The following TADA2A variants were observed in gnomAD, a reference collection of about 807,000 sequenced individuals.
TADA2A encodes transcriptional adaptor 2A, also known as transcriptional adapter 2-alpha.
Under a neutral mutation model 67.4 loss-of-function variants are expected in TADA2A, and 38 were observed. The ratio of observed to expected loss-of-function variants is 0.56; its 90% CI spans 0.44 to 0.74. TADA2A has a LOEUF of 0.74. Ranked by LOEUF, TADA2A falls within the 30% of genes least tolerant of loss-of-function variation. The probability of loss-of-function intolerance (pLI) is 0.00; values close to 1 mark genes in which losing one functional copy is unlikely to be tolerated. For synonymous variants in TADA2A, 192 were observed against 181.6 expected (o/e 1.06, Z -0.46); for missense variants, 454 against 547.0 (o/e 0.83, Z 1.70).
intron 5 of TADA2A, among the ~76,000 whole-genome samples, chr17:37,440,232 CG>C (rs1190133830): frequency 2.0e-5 from 3 of 152,020 alleles, no homozygotes; most frequent in Non-Finnish European, 4.4e-5. Context: ...TGAGCCACTG[CG>C]CCTGGCCTCA....
intron 2 of TADA2A, among the ~76,000 whole-genome samples, chr17:37,420,840 T>C (rs981594489): frequency 7.5e-5 from 11 of 146,868 alleles, no homozygotes; most frequent in African/African-American, 2.5e-4. Flanking sequence ...CAAATTAAAT[T>C]CCTTCATCTA....
At chr17:37,444,224 A>G (rs1325747393) in intron 7 of TADA2A, among the ~76,000 whole-genome samples, 2 of 145,574 alleles carry the variant, frequency 1.4e-5, no homozygotes, top group South Asian at 2.1e-4. Flanking sequence ...ACACCACTGC[A>G]CTCCAGCCTG....
chr17:37,457,727 C>T (rs182008636), intron 8 of TADA2A, among the ~76,000 whole-genome samples: 1 of 151,714 alleles, frequency 6.6e-6, no homozygotes, highest in African/African-American at 2.4e-5. Context: ...AACTCCTGAC[C>T]TCAGGTGATT....
At chr17:37,449,106 C>T (rs1026439416) in intron 8 of TADA2A, among the ~76,000 whole-genome samples, 4 of 151,920 alleles carry the variant, frequency 2.6e-5, no homozygotes, top group Admixed American at 6.6e-5. Flanking sequence ...CTGCAAGCTC[C>T]GCCTCCTGGG....
chr17:37,451,053 G>A (rs569235278), intron 8 of TADA2A, among the ~76,000 whole-genome samples: 1 of 151,972 alleles, frequency 6.6e-6, no homozygotes, highest in African/African-American at 2.4e-5. Flanking sequence ...AAGAAACAGA[G>A]TCTCATTCTG....
intron 4 of TADA2A, among the ~76,000 whole-genome samples, chr17:37,437,011 T>G (rs999695194): frequency 6.6e-6 from 1 of 151,806 alleles, no homozygotes; most frequent in Non-Finnish European, 1.5e-5. Flanking sequence ...CTAATAAGAA[T>G]GTACCCTGGG....
intron 1 of TADA2A, among the ~76,000 whole-genome samples, chr17:37,410,476 C>T (rs2051830532): frequency 6.6e-6 from 1 of 151,918 alleles, no homozygotes; most frequent in African/African-American, 2.4e-5. Context: ...GTGCCTGGCC[C>T]TGTTACGTAC....
At chr17:37,461,409 T>C (rs2053544470) in intron 9 of TADA2A, among the ~76,000 whole-genome samples, 2 of 152,182 alleles carry the variant, frequency 1.3e-5, no homozygotes, top group Non-Finnish European at 2.9e-5. Flanking sequence ...TGAAGAAGCA[T>C]ACCCAGTTGC....
intron 1 of TADA2A, among the ~76,000 whole-genome samples, chr17:37,409,795 G>T (rs1336481282): frequency 2.0e-5 from 3 of 151,258 alleles, no homozygotes. Context: ...AAAACAAAAA[G>T]CTGTGAGTGT....
At chr17:37,427,971 G>C (rs1455605494) in intron 4 of TADA2A, among the ~76,000 whole-genome samples, 2 of 151,118 alleles carry the variant, frequency 1.3e-5, no homozygotes, top group South Asian at 2.1e-4. Flanking sequence ...GACAGAGTGA[G>C]ACTCCATCTC....
intron 2 of TADA2A, among the ~76,000 whole-genome samples, chr17:37,419,048 T>C (rs1379031760): frequency 6.8e-6 from 1 of 146,592 alleles, no homozygotes; most frequent in South Asian, 2.2e-4. Context: ...TTGTTGAATA[T>C]ATGTACTATA....
intron 4 of TADA2A, among the ~76,000 whole-genome samples, chr17:37,430,241 A>G (rs1484062009): frequency 6.6e-6 from 1 of 152,156 alleles, no homozygotes; most frequent in African/African-American, 2.4e-5. Flanking sequence ...CAACACCCAT[A>G]CAATCACATT....
chr17:37,441,086 C>T (rs1056059686), intron 6 of TADA2A, among the ~76,000 whole-genome samples: 3 of 140,380 alleles, frequency 2.1e-5, no homozygotes, highest in Non-Finnish European at 4.6e-5. Flanking sequence ...CAGAGTGAGA[C>T]TTCATCTCTT....
Position 37,465,426 on chromosome 17 carries a change from TGTA to T in TADA2A, c.713-1_714del. On this transcript the variant is annotated splice_acceptor_variant and splice_polypyrimidine_tract_variant and intron_variant, in intron 10 of 15. Coordinates refer to ENST00000615182, the MANE Select transcript of TADA2A (RefSeq NM_001166105.3). LOFTEE classifies it high-confidence loss of function. ...TGACACATTTATGTTTTATTTTCTC[TGTA>T]GTAATGGAACGGCGGTATCCCAAGG... 6.2e-7 allele frequency: 1 copy of T among 1,601,724 alleles called. No individual in the cohort carries two copies. Among genetic ancestry groups the T allele is most frequent in the Non-Finnish European group, 8.5e-7 (1 of 1,172,288 alleles).
chr17:37,421,886 AT>A (rs368260639), intron 2 of TADA2A, among the ~76,000 whole-genome samples: 1,678 of 143,910 alleles, frequency 0.012, 137 homozygotes, highest in African/African-American at 0.037. Flanking sequence ...TTATTTTTTT[AT>A]TTTTTTTTGG....
chr17:37,420,090 G>A (rs1160755936), intron 2 of TADA2A, among the ~76,000 whole-genome samples: 1 of 146,336 alleles, frequency 6.8e-6, no homozygotes, highest in East Asian at 2.1e-4. Context: ...AGAGAAGCAA[G>A]CTTATATCTA....
chr17:37,420,692 C>T (rs2052205910), intron 2 of TADA2A, among the ~76,000 whole-genome samples: 1 of 146,500 alleles, frequency 6.8e-6, no homozygotes, highest in African/African-American at 2.5e-5. Context: ...CGTGCCTACT[C>T]TCTCTATCTT....
chr17:37,432,925 ATTTTTTTTTTT>A (rs1046006991), intron 4 of TADA2A, among the ~76,000 whole-genome samples: 1 of 52,208 alleles, frequency 1.9e-5, no homozygotes, highest in South Asian at 1.0e-3. Flanking sequence ...TGGTATTACA[ATTTTTTTTTTT>A]TTTTTTTTTT....
intron 4 of TADA2A, among the ~76,000 whole-genome samples, chr17:37,428,942 A>T (rs911945194): frequency 6.7e-6 from 1 of 149,110 alleles, no homozygotes. Flanking sequence ...GCTACTCGGG[A>T]GGTTGAGGCG....
Sources: gnomAD v4.1 joint callset for allele counts (sites outside exome capture counted in the v4.1 genomes callset) on GRCh38, gnomAD v4.1.1 for gene constraint, MANE v1.5 for transcripts, NCBI Gene and HGNC (gene_info 2026-07-23, HGNC 2026-07-21) for gene names.